CUX2: variants seen among roughly 807,000 people sequenced by gnomAD.
CUX2 encodes the protein cut like homeobox 2.
A neutral mutation model predicts 144.8 loss-of-function variants in CUX2; 40 were observed. The ratio of observed to expected loss-of-function variants is 0.28; its 90% confidence interval spans 0.21 to 0.36. The LOEUF (loss-of-function observed/expected upper bound fraction) is 0.36, where lower values mean the gene tolerates loss of function less well. CUX2 is among the 10% of genes least tolerant of loss of function. CUX2 has a pLI of 1.00. For synonymous variants in CUX2, 827 were observed against 875.6 expected, an observed-to-expected ratio of 0.94 and a Z score of 0.98; for missense variants, 1,615 against 1,994.0, an observed-to-expected ratio of 0.81 and a Z score of 3.62.
chr12:111,224,763 C>T (rs914571718), intron 3 of CUX2, among the ~76,000 whole-genome samples: 1 of 151,946 alleles, frequency 6.6e-6, no homozygotes, highest in African/African-American at 2.4e-5. Flanking sequence ...GGTGAGGCCA[C>T]CCTGGGGGAT....
intron 1 of CUX2, among the ~76,000 whole-genome samples, chr12:111,168,932 T>C (rs2136163358): frequency 6.6e-6 from 1 of 152,112 alleles, no homozygotes; most frequent in South Asian, 2.1e-4. Flanking sequence ...TGAAGGTCCA[T>C]ATCAGAGCCC....
At chr12:111,334,374 C>T (rs1888247780) in intron 18 of CUX2, 67 bp from the exon 19 acceptor site, 1 of 1,493,896 alleles carries the variant, frequency 6.7e-7, no homozygotes, top group African/African-American at 1.4e-5. Flanking sequence ...AAGAAGCAAG[C>T]CTCCCGAAAG....
chr12:111,191,094 G>A (rs1350306472), intron 1 of CUX2, among the ~76,000 whole-genome samples: 3 of 152,164 alleles, frequency 2.0e-5, no homozygotes, highest in Non-Finnish European at 4.4e-5. Context: ...TGGATCTGCA[G>A]CTACGCCACT....
At chr12:111,232,825 G>A (rs894579046) in intron 3 of CUX2, among the ~76,000 whole-genome samples, 3 of 152,192 alleles carry the variant, frequency 2.0e-5, no homozygotes, top group Non-Finnish European at 4.4e-5. Flanking sequence ...TATTTACAGA[G>A]CACCTACTGC....
intron 1 of CUX2, among the ~76,000 whole-genome samples, chr12:111,108,453 T>G (rs1205444651): frequency 6.6e-6 from 1 of 152,228 alleles, no homozygotes; most frequent in Non-Finnish European, 1.5e-5. Context: ...ATTGCTATGG[T>G]GTTTGCCAAA....
intron 3 of CUX2, among the ~76,000 whole-genome samples, chr12:111,248,883 T>C (rs1482199213): frequency 6.6e-6 from 1 of 152,222 alleles, no homozygotes; most frequent in Non-Finnish European, 1.5e-5. Context: ...ATGCACATAT[T>C]TTCATGCTCA....
intron 3 of CUX2, among the ~76,000 whole-genome samples, chr12:111,233,282 A>G (rs1416520080): frequency 3.9e-5 from 6 of 151,936 alleles, no homozygotes; most frequent in Non-Finnish European, 2.9e-5. Context: ...GCTGGCCACC[A>G]TTGCCTCCCT....
intron 4 of CUX2, among the ~76,000 whole-genome samples, chr12:111,276,794 C>T (rs550916341): frequency 4.6e-5 from 7 of 152,094 alleles, no homozygotes; most frequent in East Asian, 1.9e-4. Flanking sequence ...ACTACAGGCG[C>T]GAGCCACCAT....
chr12:111,258,550 G>A (rs1412832560), intron 3 of CUX2, among the ~76,000 whole-genome samples: 1 of 151,716 alleles, frequency 6.6e-6, no homozygotes, highest in Admixed American at 6.6e-5. Context: ...TAGGGACCTG[G>A]CCTTCCACAG....
intron 3 of CUX2, among the ~76,000 whole-genome samples, chr12:111,241,410 C>T (rs886126): frequency 0.34 from 52,106 of 152,060 alleles, 11,244 homozygotes; most frequent in East Asian, 0.65. Context: ...CAATAGTCTG[C>T]AGTTTGTCCA....
chr12:111,219,385 A>C (rs1196980135), intron 3 of CUX2, among the ~76,000 whole-genome samples: 1 of 134,324 alleles, frequency 7.4e-6, no homozygotes, highest in African/African-American at 3.1e-5. Context: ...TTTGTGTTAC[A>C]AAAAAAAAAA....
chr12:111,042,624 G>A (rs1336525985), intron 1 of CUX2, among the ~76,000 whole-genome samples: 1 of 152,082 alleles, frequency 6.6e-6, no homozygotes, highest in Admixed American at 6.6e-5. Flanking sequence ...AAGAATTGTT[G>A]TGAGGACTTT....
intron 19 of CUX2, among the ~76,000 whole-genome samples, chr12:111,335,584 A>C (rs532053007): frequency 8.6e-5 from 13 of 151,534 alleles, no homozygotes; most frequent in African/African-American, 2.7e-4. Flanking sequence ...GGTGGCATGC[A>C]CTTGGAATCC....
chr12:111,274,712 C>T (rs1346858897), intron 4 of CUX2, among the ~76,000 whole-genome samples: 1 of 152,206 alleles, frequency 6.6e-6, no homozygotes, highest in Admixed American at 6.5e-5. Context: ...CCATCAATAG[C>T]CTGAGCCTCC....
rs71881537 is a variant in CUX2, at chr12:111,100,181, C to CTGTG, written c.63+65959_63+65962dup. The stretch of plus-strand genomic sequence containing the variant: ...GGGATGTGAGAGCAGGAGCCTGTGA[C>CTGTG]TGTGTGTGTGTGTGTGTGTGTATGT... On this transcript the variant is annotated intron_variant, in intron 1 of 21. Transcript: ENST00000261726. 1,189 of 388,256 alleles carry CTGTG rather than the reference C, an allele frequency of 3.1e-3. 5 individuals are homozygous for CTGTG. Among genetic ancestry groups the CTGTG allele is most frequent in the African/African-American group, 0.013 (599 of 46,720 alleles). The allele number at this position is 388,256 out of a possible 1,614,324, so 24.1% of individuals were successfully genotyped here.
At chr12:111,299,282 C>T (rs1014629533) in intron 9 of CUX2, among the ~76,000 whole-genome samples, 3 of 152,224 alleles carry the variant, frequency 2.0e-5, no homozygotes, top group Non-Finnish European at 4.4e-5. Flanking sequence ...TCCCCAGGGG[C>T]AGTTAAAAGG....
chr12:111,291,239 C>G (rs1885663624), intron 4 of CUX2, among the ~76,000 whole-genome samples, 179 bp from the exon 5 acceptor site: 1 of 152,140 alleles, frequency 6.6e-6, no homozygotes, highest in Non-Finnish European at 1.5e-5. Flanking sequence ...GCAGGTGCTC[C>G]CCTGAACAAG....
chr12:111,320,911 G>A lies in CUX2; in HGVS notation c.2766+136G>A, dbSNP rs1887495287. On this transcript the variant is annotated intron_variant, in intron 17 of 21. Transcript: ENST00000261726. The surrounding 1 kb of genome is among the most constrained non-coding windows in gnomAD (Gnocchi z 8.1). ...CTGAGTCCTGCTGTCCCTGGGTCCC[G>A]CAGGAAGGAGGGCCACTGTTCTGCT... 5.2e-6 allele frequency: 5 copies of A among 962,898 alleles called. No individual in the cohort carries two copies. Among genetic ancestry groups the A allele is most frequent in the Non-Finnish European group, 5.7e-6 (4 of 702,610 alleles). 59.6% of individuals were successfully genotyped at this position (962,898 alleles called of 1,614,324 possible).
chr12:111,274,564 A>G (rs1319559656), intron 4 of CUX2, among the ~76,000 whole-genome samples: 1 of 151,050 alleles, frequency 6.6e-6, no homozygotes, highest in South Asian at 2.1e-4. Context: ...GCCAGGAGGA[A>G]CCCCCCGCCA....
Sources: allele counts gnomAD v4.1 joint callset (sites outside exome capture counted in the v4.1 genomes callset), GRCh38; gene constraint gnomAD v4.1.1; non-coding constraint Gnocchi (gnomAD v3.1); transcripts MANE v1.5; gene names NCBI Gene and HGNC (gene_info 2026-07-23, HGNC 2026-07-21).